Variants in CERS6 observed in about 807,000 individuals in gnomAD.
CERS6 encodes LAG1 homolog, ceramide synthase 6.
CERS6 carries 26 observed loss-of-function variants against 56.8 expected under a neutral mutation model. The ratio of observed to expected loss-of-function variants is 0.46; its 90% confidence interval spans 0.34 to 0.63. The LOEUF (loss-of-function observed/expected upper bound fraction) is 0.63. Ranked by LOEUF, CERS6 falls within the 30% of genes least tolerant of loss-of-function variation. CERS6 has a pLI of 0.01. For synonymous variants in CERS6, 164 were observed against 173.3 expected (o/e 0.95, Z 0.42); for missense variants, 415 against 467.5 (o/e 0.89, Z 1.04).
chr2:168,648,202 T>C (rs182845139), intron 4 of CERS6, among the ~76,000 whole-genome samples: 1 of 152,158 alleles, frequency 6.6e-6, no homozygotes, highest in Non-Finnish European at 1.5e-5. Flanking sequence ...CAGAGCTCGT[T>C]ACTGGTCTGT....
intron 4 of CERS6, among the ~76,000 whole-genome samples, chr2:168,661,516 C>T (rs932940732): frequency 6.6e-6 from 1 of 152,202 alleles, no homozygotes; most frequent in African/African-American, 2.4e-5. Flanking sequence ...TATGGGAAGA[C>T]ACTTTACATT....
chr2:168,743,864 T>A (rs1476174387), intron 8 of CERS6, among the ~76,000 whole-genome samples: 5 of 152,116 alleles, frequency 3.3e-5, no homozygotes, highest in South Asian at 4.1e-4. Flanking sequence ...ACAAAATTTT[T>A]AAAATATTTT....
rs1469002944 is a variant in CERS6, at chr2:168,678,132, G to T, written c.466-12902G>T. On this transcript the variant is annotated intron_variant, in intron 4 of 9. Transcript: ENST00000305747. ...TAGTTCAACCATTGTGGAAGTCAGT[G>T]TGGCAGCACCATTGCTTTTTTACCA... is the stretch of plus-strand genomic sequence containing the variant. Among the ~76,000 whole-genome samples, 3 of 152,206 alleles carry T rather than the reference G, an allele frequency of 2.0e-5. No individual in the cohort carries two copies. The East Asian group carries it at 5.8e-4, about 29-fold the overall frequency.
chr2:168,491,731 A>G (rs1694377693), intron 1 of CERS6, among the ~76,000 whole-genome samples: 1 of 151,984 alleles, frequency 6.6e-6, no homozygotes, highest in Admixed American at 6.6e-5. Context: ...TGCTGCACCC[A>G]TCAACTCATT....
At chr2:168,518,197 T>C (rs1226375878) in intron 1 of CERS6, among the ~76,000 whole-genome samples, 1 of 152,226 alleles carries the variant, frequency 6.6e-6, no homozygotes, top group Non-Finnish European at 1.5e-5. Flanking sequence ...TCGAGCTGGC[T>C]CTACTACACA....
At chr2:168,540,884 C>A (rs1695355973) in intron 1 of CERS6, among the ~76,000 whole-genome samples, 1 of 152,108 alleles carries the variant, frequency 6.6e-6, no homozygotes, top group African/African-American at 2.4e-5. Flanking sequence ...TCTTGAGCTC[C>A]TTGAATCTGT....
At chr2:168,632,142 G>A (rs77864780) in intron 4 of CERS6, among the ~76,000 whole-genome samples, 2,602 of 151,734 alleles carry the variant, frequency 0.017, 100 homozygotes, top group East Asian at 0.16. Flanking sequence ...ATAAAACCCT[G>A]TGAAGGCCTA....
chr2:168,579,961 T>A (rs1187235502), intron 3 of CERS6, among the ~76,000 whole-genome samples: 2 of 152,206 alleles, frequency 1.3e-5, no homozygotes, highest in Admixed American at 1.3e-4. Flanking sequence ...ATAGTCCCCT[T>A]GATAATCACA....
chr2:168,509,121 T>G (rs1041781334), intron 1 of CERS6, among the ~76,000 whole-genome samples: 1 of 152,204 alleles, frequency 6.6e-6, no homozygotes, highest in Non-Finnish European at 1.5e-5. Context: ...TCTTCTAATT[T>G]AAGGGTTGAT....
At chr2:168,605,384 T>A (rs781550790) in intron 3 of CERS6, among the ~76,000 whole-genome samples, 1 of 152,140 alleles carries the variant, frequency 6.6e-6, no homozygotes, top group African/African-American at 2.4e-5. Flanking sequence ...AGAAATGATA[T>A]CCAATTGGAA....
At chr2:168,612,456 T>C (rs181481932) in intron 3 of CERS6, among the ~76,000 whole-genome samples, 1 of 152,354 alleles carries the variant, frequency 6.6e-6, no homozygotes, top group Non-Finnish European at 1.5e-5. Flanking sequence ...AAGGTTGAGA[T>C]GGACGAAGAA....
intron 3 of CERS6, among the ~76,000 whole-genome samples, chr2:168,570,735 G>A (rs1227575779): frequency 2.0e-5 from 3 of 152,156 alleles, no homozygotes; most frequent in Non-Finnish European, 4.4e-5. Flanking sequence ...TCTGGCTCAA[G>A]CTCTGTTACC....
At chr2:168,549,374 C>T (rs1045340672) in intron 2 of CERS6, among the ~76,000 whole-genome samples, 3 of 152,126 alleles carry the variant, frequency 2.0e-5, no homozygotes, top group East Asian at 1.9e-4. Context: ...TGGTGGCTCA[C>T]GCCTGTAATG....
At chr2:168,599,375 GA>G (rs1210637154) in intron 3 of CERS6, among the ~76,000 whole-genome samples, 2 of 152,058 alleles carry the variant, frequency 1.3e-5, no homozygotes, top group Non-Finnish European at 2.9e-5. Flanking sequence ...GTTTCTTTTT[GA>G]AGAAGGGCAG....
chr2:168,490,222 G>A (rs953678870), intron 1 of CERS6, among the ~76,000 whole-genome samples: 1 of 152,252 alleles, frequency 6.6e-6, no homozygotes, highest in Non-Finnish European at 1.5e-5. Flanking sequence ...GAATTGTGCT[G>A]ATTCATGTTC....
At chr2:168,767,366 TCTGA>T (rs761011096) in intron 9 of CERS6, among the ~76,000 whole-genome samples, 7 of 152,198 alleles carry the variant, frequency 4.6e-5, no homozygotes, top group Non-Finnish European at 8.8e-5. Flanking sequence ...ATTTAAAAAA[TCTGA>T]CTGAGCATGC....
intron 1 of CERS6, among the ~76,000 whole-genome samples, chr2:168,525,863 T>C (rs1024712296): frequency 1.3e-5 from 2 of 152,240 alleles, no homozygotes; most frequent in Non-Finnish European, 2.9e-5. Flanking sequence ...AAATGCCTCA[T>C]TGATTGAGTC....
At chr2:168,702,127 A>T (rs939145585) in intron 6 of CERS6, among the ~76,000 whole-genome samples, 1 of 152,122 alleles carries the variant, frequency 6.6e-6, no homozygotes, top group Non-Finnish European at 1.5e-5. Context: ...TTTTCAATTC[A>T]TGGTTGAATC....
intron 6 of CERS6, among the ~76,000 whole-genome samples, chr2:168,711,604 C>T (rs1687091673): frequency 1.3e-5 from 2 of 151,748 alleles, no homozygotes; most frequent in African/African-American, 4.8e-5. Flanking sequence ...CGTGGTGGCT[C>T]ACACCTGTAA....
Sources: allele counts gnomAD v4.1 joint callset (sites outside exome capture counted in the v4.1 genomes callset), GRCh38; gene constraint gnomAD v4.1.1; transcripts MANE v1.5; gene names NCBI Gene and HGNC (gene_info 2026-07-23, HGNC 2026-07-21).